Variants in GSDMC observed in about 807,000 individuals in gnomAD.
GSDMC encodes the protein gasdermin-C.
Under a neutral mutation model 58.0 loss-of-function variants are expected in GSDMC, and 59 were observed. That is an observed-to-expected ratio of 1.02 (90% CI 0.82 to 1.26). GSDMC has a LOEUF of 1.26. Among genes scored for constraint, GSDMC ranks in the 50% most tolerant of loss-of-function variants. The pLI, the probability that GSDMC is intolerant of heterozygous loss-of-function variation, is 0.00. For synonymous variants in GSDMC, 241 were observed against 220.2 expected (o/e 1.09, Z -0.83); for missense variants, 659 against 598.5 (o/e 1.10, Z -1.06).
downstream of GSDMC, among the ~76,000 whole-genome samples, chr8:129,745,726 G>T (rs2032946076): frequency 1.0e-5 from 1 of 98,458 alleles, no homozygotes. Flanking sequence ...AGGTGATAGG[G>T]AAAACAAGAG....
At chr8:129,747,873 CAG>C (rs530912980), downstream of GSDMC, among the ~76,000 whole-genome samples, 9 of 152,230 alleles carry the variant, frequency 5.9e-5, no homozygotes, top group South Asian at 1.9e-3. Flanking sequence ...GCAAATGACA[CAG>C]AGAGCACAGA....
At chr8:129,706,732 A>ATCAGT in the GSDMC span, 1 of 152,236 alleles carries the variant, frequency 6.6e-6, no homozygotes, top group South Asian at 2.1e-4. Context: ...GAGGAAAAAT[A>ATCAGT]TCAGTTAAAA....
chr8:129,755,832 T>C (rs1600931), intron 6 of GSDMC, among the ~76,000 whole-genome samples: 99,385 of 151,208 alleles, frequency 0.66, 34,667 homozygotes, highest in African/African-American at 0.9. Context: ...ACAGTATTTG[T>C]AAGTCTTACA....
intron 4 of GSDMC, among the ~76,000 whole-genome samples, chr8:129,763,010 T>A (rs1490856660): frequency 6.6e-6 from 1 of 152,242 alleles, no homozygotes; most frequent in East Asian, 1.9e-4. Context: ...TCCTTCTCTT[T>A]CATCATTCCT....
the GSDMC span, among the ~76,000 whole-genome samples, chr8:129,717,524 C>A: frequency 2.0e-5 from 3 of 151,944 alleles, no homozygotes; most frequent in Admixed American, 2.0e-4. Context: ...TAAGACACAA[C>A]ACAAACAAAT....
chr8:129,762,752 A>G, intron 4 of GSDMC, 21 bp from the exon 5 acceptor site: 1 of 1,485,322 alleles, frequency 6.7e-7, no homozygotes, highest in Non-Finnish European at 9.4e-7. Context: ...AAACCAGACA[A>G]TACAGTATTA....
Position 129,750,073 on chromosome 8 carries a change from A to C in GSDMC, c.1130T>G (p.Ile377Ser). Reference sequence around the variant, plus strand: ...TGAATCCTGTTGAAGTTTCTTTAGGATGGCACCACCAGGGCCATCCAAATG... The same window carrying C: ...TGAATCCTGTTGAAGTTTCTTTAGGCTGGCACCACCAGGGCCATCCAAATG... ...SGHLDGPGGA[I>S]LKKLQQDSNH... is the part of the protein sequence containing the mutation. Residue 377 changes from isoleucine (I) to serine (S), a missense_variant, in exon 12 of 14, where the codon ATC (isoleucine) becomes AGC (serine). Coordinates refer to ENST00000276708, the MANE Select transcript of GSDMC (RefSeq NM_031415.3). 1 of 1,609,462 alleles carries C rather than the reference A, an allele frequency of 6.2e-7. No individual in the cohort carries two copies. Among genetic ancestry groups the C allele is most frequent in the Non-Finnish European group, 8.5e-7 (1 of 1,177,688 alleles).
intron 10 of GSDMC, 149 bp downstream of exon 10, chr8:129,751,393 T>C: frequency 1.5e-6 from 1 of 666,484 alleles, no homozygotes; most frequent in South Asian, 1.9e-5. Context: ...GTCCAATAAG[T>C]CCTCAATAAA....
At chr8:129,784,577 C>T (rs1276322274) in intron 1 of GSDMC, among the ~76,000 whole-genome samples, 4 of 152,064 alleles carry the variant, frequency 2.6e-5, no homozygotes, top group Non-Finnish European at 5.9e-5. Context: ...TGGCTTATAT[C>T]TAAAAGACAA....
intron 1 of GSDMC, among the ~76,000 whole-genome samples, chr8:129,783,109 C>T (rs1288378753): frequency 6.6e-6 from 1 of 152,070 alleles, no homozygotes; most frequent in Non-Finnish European, 1.5e-5. Context: ...ACAAAAACCA[C>T]GTGATCATTT....
At chr8:129,765,552 CT>C (rs2033825183) in intron 4 of GSDMC, 75 bp downstream of exon 4, 14 of 1,026,760 alleles carry the variant, frequency 1.4e-5, no homozygotes, top group Middle Eastern at 4.0e-4. Context: ...CCAGAGCCCC[CT>C]AGGAAATGAA....
chr8:129,719,022 G>A, the GSDMC span, among the ~76,000 whole-genome samples: 7 of 152,088 alleles, frequency 4.6e-5, no homozygotes, highest in East Asian at 1.9e-4. Context: ...ATCACACACC[G>A]GGGCCTGTCA....
chr8:129,757,821 T>C (rs574196642), intron 6 of GSDMC, among the ~76,000 whole-genome samples: 8 of 152,156 alleles, frequency 5.3e-5, no homozygotes, highest in Admixed American at 1.3e-4. Flanking sequence ...TGAGACCATG[T>C]CTCTACAAAA....
At chr8:129,781,726 G>A (rs1339581737) in intron 1 of GSDMC, among the ~76,000 whole-genome samples, 3 of 148,724 alleles carry the variant, frequency 2.0e-5, no homozygotes, top group South Asian at 4.3e-4. Context: ...CTCCAGCCTG[G>A]GTGACAGAGC....
intron 13 of GSDMC, among the ~76,000 whole-genome samples, chr8:129,749,061 T>C (rs1306250051): frequency 6.6e-6 from 1 of 152,232 alleles, no homozygotes; most frequent in East Asian, 1.9e-4. Context: ...TATACACATA[T>C]ACTTGGAGAG....
At chr8:129,736,457 A>T in the GSDMC span, among the ~76,000 whole-genome samples, 6 of 152,366 alleles carry the variant, frequency 3.9e-5, no homozygotes, top group South Asian at 2.1e-4. Flanking sequence ...ACTCAGCTTC[A>T]TCCTTGGGAT....
intron 3 of GSDMC, among the ~76,000 whole-genome samples, chr8:129,775,312 G>A (rs1255753605): frequency 6.6e-6 from 1 of 152,134 alleles, no homozygotes; most frequent in East Asian, 1.9e-4. Flanking sequence ...GTCAAACAGA[G>A]AAATACAAAT....
chr8:129,741,338 G>T, the GSDMC span, among the ~76,000 whole-genome samples: 1 of 151,972 alleles, frequency 6.6e-6, no homozygotes, highest in Non-Finnish European at 1.5e-5. Context: ...GTCTTTTCTG[G>T]TTGTATATGA....
chr8:129,761,178 T>C (rs2033646758), intron 5 of GSDMC, among the ~76,000 whole-genome samples: 1 of 152,174 alleles, frequency 6.6e-6, no homozygotes, highest in South Asian at 2.1e-4. Context: ...TGAGATCTTC[T>C]CTCCCTAGCT....
Sources: gnomAD v4.1 joint callset for allele counts (sites outside exome capture counted in the v4.1 genomes callset) on GRCh38, gnomAD v4.1.1 for gene constraint, MANE v1.5 for transcripts, NCBI Gene and HGNC (gene_info 2026-07-23, HGNC 2026-07-21) for gene names.